The following RFC5 variants were observed in gnomAD, a reference collection of about 807,000 sequenced individuals.
RFC5 encodes the protein A1 36 kDa subunit.
A neutral mutation model predicts 44.3 loss-of-function variants in RFC5; 26 were observed. That is an observed-to-expected ratio of 0.59 (90% CI 0.43 to 0.81). The LOEUF is 0.81. Ranked by LOEUF, RFC5 falls within the 40% of genes least tolerant of loss-of-function variation. RFC5 has a pLI of 0.00. For missense variants in RFC5, 328 were observed against 418.6 expected (o/e 0.78, Z 1.89); for synonymous variants, 155 against 155.2 (o/e 1.00, Z 0.01).
chr12:118,033,017 C>T (rs1266025482), downstream of RFC5: 5 of 152,100 alleles, frequency 3.3e-5, no homozygotes, highest in Non-Finnish European at 7.3e-5. Context: ...ACTTTCTCAA[C>T]GAGTCATGTA....
chr12:118,026,925 A>G lies in RFC5; in HGVS notation c.700A>G (p.Thr234Ala), dbSNP rs1196850004. 6.2e-7 allele frequency: 1 copy of G among 1,613,798 alleles called. No individual in the cohort carries two copies. The highest frequency in any genetic ancestry group is 1.7e-5 in the Admixed American group (1 of 59,984). ...NMAFGKVTEETVYTCTGHPLK... is the reference protein window; with the variant it reads ...NMAFGKVTEEAVYTCTGHPLK... ...GGCCTTTGGGAAGGTGACAGAGGAG[A>G]CTGTCTACACCTGCACCGGGCACCC... Residue 234 changes from threonine (T) to alanine (A), a missense_variant, in exon 8 of 11, where the codon ACT (threonine) becomes GCT (alanine). By Grantham distance (58) the Thr-to-Ala change is moderately conservative. Coordinates refer to ENST00000454402, the MANE Select transcript of RFC5 (RefSeq NM_007370.7).
At chr12:118,024,130 A>G (rs753522682) in intron 5 of RFC5, among the ~76,000 whole-genome samples, 14 of 152,208 alleles carry the variant, frequency 9.2e-5, no homozygotes, top group East Asian at 3.9e-4. Context: ...TCATGAGGTC[A>G]GGAGATCGAG....
At chr12:118,035,208 C>T (rs762325319), downstream of RFC5, 10 of 1,613,908 alleles carry the variant, frequency 6.2e-6, no homozygotes, top group African/African-American at 2.7e-5. Flanking sequence ...GAGTTCTCTT[C>T]GTTACCTGTC....
chr12:118,039,163 G>C, the RFC5 span, among the ~76,000 whole-genome samples: 1 of 152,198 alleles, frequency 6.6e-6, no homozygotes, highest in Non-Finnish European at 1.5e-5. Flanking sequence ...AGGATGTCCA[G>C]ATGAGCAGTG....
At chr12:118,024,080 G>C (rs1280947768) in intron 5 of RFC5, among the ~76,000 whole-genome samples, 1 of 152,068 alleles carries the variant, frequency 6.6e-6, no homozygotes, top group African/African-American at 2.4e-5. Flanking sequence ...GCCTGGCACA[G>C]TGGCTCATGC....
the RFC5 span, among the ~76,000 whole-genome samples, chr12:118,039,667 C>T: frequency 6.6e-6 from 1 of 152,052 alleles, no homozygotes; most frequent in East Asian, 1.9e-4. Context: ...TGTTATACGC[C>T]TGTACATGGT....
At position 118,020,908 on chromosome 12, in the gene RFC5, G is replaced by T. The variant is rs747672890; in HGVS notation, c.270G>T (p.Leu90=). ...DKEFGSMVLE[L]NASDDRGIDI... is the part of the protein sequence containing the mutation. The stretch of plus-strand genomic sequence containing the variant: ...TGTCTTCTGTCTTCCACATTTAGCT[G>T]AATGCTTCAGATGACCGAGGAATAG... Residue 90 remains leucine (L), a splice_region_variant and synonymous_variant, in exon 4 of 11, where the codon CTG becomes CTT. Coordinates refer to ENST00000454402, the MANE Select transcript of RFC5 (RefSeq NM_007370.7). The T allele has an allele frequency of 3.7e-6, 6 of 1,607,008 alleles. No individual in the cohort carries two copies. The highest frequency in any genetic ancestry group is 4.3e-6 in the Non-Finnish European group (5 of 1,174,234).
At chr12:118,039,272 C>G in the RFC5 span, among the ~76,000 whole-genome samples, 4 of 152,108 alleles carry the variant, frequency 2.6e-5, no homozygotes, top group South Asian at 2.1e-4. Context: ...GTGTCTCACA[C>G]AATCTCTCCA....
intron 3 of RFC5, among the ~76,000 whole-genome samples, 184 bp from the exon 4 acceptor site, chr12:118,020,722 T>C (rs1000654564): frequency 2.6e-5 from 4 of 152,216 alleles, no homozygotes; most frequent in Non-Finnish European, 2.9e-5. Context: ...AATATAGCCA[T>C]CTTTATTAAT....
In RFC5 at chr12:118,020,981, T is replaced by G; in HGVS notation, c.343T>G (p.Phe115Val). Residue 115 changes from phenylalanine (F) to valine (V), a missense_variant, in exon 4 of 11, where the codon TTT becomes GTT. By Grantham distance (50) the Phe-to-Val change is conservative. Coordinates refer to ENST00000454402, the MANE Select transcript of RFC5 (RefSeq NM_007370.7). ...GAGCTTTGCTAGCACAAGGACAATA[T>G]TTAAGTAAGAATTATTTGTGTAATT... Reference protein sequence around the residue: ...ILSFASTRTIFKKGFKLVILD... With the variant: ...ILSFASTRTIVKKGFKLVILD... 6.3e-7 allele frequency: 1 copy of G among 1,593,478 alleles called. No individual in the cohort carries two copies. The highest frequency in any genetic ancestry group is 2.2e-5 in the East Asian group (1 of 44,754).
chr12:118,027,007 C>T lies in RFC5; in HGVS notation c.782C>T (p.Thr261Ile). 1 of 1,613,182 alleles carries T rather than the reference C, an allele frequency of 6.2e-7. No individual in the cohort carries two copies. The highest frequency in any genetic ancestry group is 8.5e-7 in the Non-Finnish European group (1 of 1,179,986). ...LDWMLNQDFT[T>I]AYRNITELKT... is the part of the protein sequence containing the mutation. Reference sequence around the variant, plus strand: ...TGGATGTTGAATCAAGATTTCACCACAGCCTACAGAAGTATCCTTTCTCAT... The same window carrying T: ...TGGATGTTGAATCAAGATTTCACCATAGCCTACAGAAGTATCCTTTCTCAT... The change falls in exon 8 of 11, where the codon ACA becomes ATA. Residue 261 changes from threonine (T) to isoleucine (I), a missense_variant. By Grantham distance (89) the Thr-to-Ile change is moderately conservative (BLOSUM62 -1). Transcript: ENST00000454402.
chr12:118,041,274 C>T, the RFC5 span, among the ~76,000 whole-genome samples: 2 of 152,082 alleles, frequency 1.3e-5, no homozygotes, highest in Admixed American at 6.5e-5. Flanking sequence ...GGATTAGTGC[C>T]CTTAGAAGAA....
Position 118,019,270 on chromosome 12 carries a change from C to A in RFC5, c.130+134C>A. On this transcript the variant is annotated intron_variant, in intron 2 of 10. Transcript: ENST00000454402. This position sits in a 1 kb window ranked among gnomAD's most constrained non-coding sequence, Gnocchi z 4.2. ...TGTAGAATGTGGCTTTAAGATCATT[C>A]ATTCATTTTCTTCAGGTTGCTACAG... The A allele has an allele frequency of 1.4e-6, 1 of 730,552 alleles. No homozygotes were observed. The highest frequency in any genetic ancestry group is 2.4e-6 in the Non-Finnish European group (1 of 418,648). The allele number at this position is 730,552 out of a possible 1,614,324, so 45.3% of individuals were successfully genotyped here. A position where few individuals can be genotyped will look rare whatever the true frequency, so the allele number is the denominator to read the frequency against.
downstream of RFC5, chr12:118,034,601 C>T (rs1249029216): frequency 2.1e-5 from 11 of 534,868 alleles, no homozygotes; most frequent in Non-Finnish European, 2.9e-5. Context: ...CTCGGCACAG[C>T]CCTTTCTAAA....
At chr12:118,033,163 A>C (rs1366985212), downstream of RFC5, 1 of 152,200 alleles carries the variant, frequency 6.6e-6, no homozygotes, top group Non-Finnish European at 1.5e-5. Context: ...TGATTAGATA[A>C]CTACATGCCA....
intron 5 of RFC5, 92 bp from the exon 6 acceptor site, chr12:118,024,759 C>T (rs1407374844): frequency 1.7e-5 from 18 of 1,081,896 alleles, no homozygotes; most frequent in South Asian, 6.0e-5. Flanking sequence ...TTTTCCTATA[C>T]CCTTGTGACC....
chr12:118,036,558 G>A, downstream of RFC5: 1 of 1,543,474 alleles, frequency 6.5e-7, no homozygotes, highest in Middle Eastern at 1.8e-4. Flanking sequence ...AAAGTGCTTA[G>A]GACTCAAACG....
At chr12:118,035,234 A>G (rs773765973), downstream of RFC5, 13 of 1,614,202 alleles carry the variant, frequency 8.1e-6, no homozygotes, top group Non-Finnish European at 1.1e-5. Flanking sequence ...CCACCGTGGC[A>G]AGGTACAAGC....
chr12:118,031,091 A>G lies in RFC5; in HGVS notation c.927-91A>G, dbSNP rs538137288. On this transcript the variant is annotated intron_variant, in intron 10 of 10. Coordinates refer to ENST00000454402, the MANE Select transcript of RFC5 (RefSeq NM_007370.7). ...ATCAATTCCCATCCCCACTCCTTCA[A>G]CAGATTTTCAGCCCTAGATCTCTTG... The G allele has an allele frequency of 3.0e-5, 25 of 843,490 alleles. 1 individual carries two copies. The Middle Eastern group carries it at 3.0e-3, about 101-fold the overall frequency. 52.3% of individuals were successfully genotyped at this position (843,490 alleles called of 1,614,324 possible).
Sources: allele counts gnomAD v4.1 joint callset (sites outside exome capture counted in the v4.1 genomes callset), GRCh38; gene constraint gnomAD v4.1.1; non-coding constraint Gnocchi (gnomAD v3.1); transcripts MANE v1.5; gene names NCBI Gene and HGNC (gene_info 2026-07-23, HGNC 2026-07-21).